Variants in XKRX observed in about 807,000 individuals in gnomAD.
The protein encoded by XKRX is XK-related protein 2.
In XKRX, 11 loss-of-function variants were observed where a neutral mutation model predicts 22.4. The ratio of observed to expected loss-of-function variants is 0.49; its 90% CI spans 0.31 to 0.81. XKRX has a LOEUF of 0.81. XKRX is among the 40% of genes least tolerant of loss of function. The probability of loss-of-function intolerance (pLI) is 0.05; values close to 1 mark genes in which losing one functional copy is unlikely to be tolerated. For missense variants in XKRX, 320 were observed against 336.5 expected (o/e 0.95, Z 0.38); for synonymous variants, 114 against 132.2 (o/e 0.86, Z 0.94).
chrX:100,894,877 G>A, the XKRX span, among the ~76,000 whole-genome samples: 1 of 112,147 alleles, frequency 8.9e-6, no homozygotes, highest in Non-Finnish European at 1.9e-5. Flanking sequence ...GAATTTCTGA[G>A]TTAGTGCAAG....
the XKRX span, among the ~76,000 whole-genome samples, chrX:100,954,216 T>A: frequency 9.0e-6 from 1 of 110,869 alleles, no homozygotes; most frequent in Non-Finnish European, 1.9e-5. Flanking sequence ...GTCAGGAGTT[T>A]GAGACCAGCC....
At chrX:100,948,265 G>T in the XKRX span, among the ~76,000 whole-genome samples, 1 of 111,313 alleles carries the variant, frequency 9.0e-6, no homozygotes, top group Non-Finnish European at 1.9e-5. Context: ...AAAAATACAG[G>T]TAAGTAACAA....
chrX:100,906,395 G>A, the XKRX span, among the ~76,000 whole-genome samples: 1 of 111,689 alleles, frequency 9.0e-6, no homozygotes, highest in East Asian at 2.8e-4. Context: ...AAAATCCTCT[G>A]TGCTCCACTT....
chrX:100,904,282 GAAACAAAC>G, the XKRX span, among the ~76,000 whole-genome samples: 3 of 110,712 alleles, frequency 2.7e-5, no homozygotes, highest in Admixed American at 9.6e-5. Flanking sequence ...TACACATGCA[GAAACAAAC>G]AAACAAACAA....
the XKRX span, chrX:100,957,501 A>G: frequency 8.4e-7 from 1 of 1,188,878 alleles, no homozygotes; most frequent in Non-Finnish European, 1.1e-6. Flanking sequence ...GCATCTTCAT[A>G]AACAGGCATA....
chrX:100,917,789 A>G (rs2085452861), intron 2 of XKRX, among the ~76,000 whole-genome samples: 1 of 107,238 alleles, frequency 9.3e-6, no homozygotes, highest in African/African-American at 3.7e-5. Flanking sequence ...TCAGTTCTCA[A>G]TTCACTGAGA....
chrX:100,887,114 G>A, the XKRX span, among the ~76,000 whole-genome samples: 6 of 111,088 alleles, frequency 5.4e-5, no homozygotes, highest in East Asian at 2.8e-4. Flanking sequence ...TGAACTTCAG[G>A]TCACAACAGT....
At chrX:100,906,683 A>C in the XKRX span, among the ~76,000 whole-genome samples, 34,154 of 110,912 alleles carry the variant, frequency 0.31, 4,699 homozygotes, top group East Asian at 0.62. Flanking sequence ...GGCTTAAAAC[A>C]ACACACATTT....
chrX:100,946,189 G>GA, the XKRX span, among the ~76,000 whole-genome samples: 190 of 58,417 alleles, frequency 3.3e-3, no homozygotes, highest in African/African-American at 6.5e-3. Flanking sequence ...CGTCTAAAAA[G>GA]AAAAAAAAAA....
At chrX:100,948,492 T>C in the XKRX span, among the ~76,000 whole-genome samples, 13 of 111,741 alleles carry the variant, frequency 1.2e-4, no homozygotes, top group African/African-American at 4.2e-4. Context: ...CTGTCTACCA[T>C]AAATCCCAGA....
At chrX:100,897,788 A>C in the XKRX span, among the ~76,000 whole-genome samples, 1 of 108,187 alleles carries the variant, frequency 9.2e-6, no homozygotes, top group Non-Finnish European at 1.9e-5. Context: ...AGAAATTGCT[A>C]TCCAGGTCGG....
At chrX:100,938,063 A>G in the XKRX span, among the ~76,000 whole-genome samples, 1 of 111,989 alleles carries the variant, frequency 8.9e-6, no homozygotes, top group Admixed American at 9.5e-5. Context: ...TCCCGAAACC[A>G]TAAAGGACTT....
At chrX:100,950,355 G>T in the XKRX span, among the ~76,000 whole-genome samples, 4 of 111,910 alleles carry the variant, frequency 3.6e-5, no homozygotes, top group Non-Finnish European at 5.6e-5. Context: ...AAATGAAAAT[G>T]GAATTATATG....
chrX:100,891,738 G>C, the XKRX span, among the ~76,000 whole-genome samples: 2 of 29,735 alleles, frequency 6.7e-5, no homozygotes, highest in African/African-American at 2.7e-4. Context: ...TCATAAAAAA[G>C]GGAAAGAAGG....
At chrX:100,954,141 G>A in the XKRX span, among the ~76,000 whole-genome samples, 3 of 109,487 alleles carry the variant, frequency 2.7e-5, no homozygotes, top group Admixed American at 9.8e-5. Flanking sequence ...AATGACAGCC[G>A]GGCGCAGTGG....
chrX:100,901,181 CAT>C, the XKRX span, among the ~76,000 whole-genome samples: 1 of 110,914 alleles, frequency 9.0e-6, no homozygotes, highest in Non-Finnish European at 1.9e-5. Context: ...TATCTATATA[CAT>C]ATGTGTGTAT....
the XKRX span, among the ~76,000 whole-genome samples, chrX:100,948,171 G>T: frequency 2.7e-5 from 3 of 110,659 alleles, no homozygotes; most frequent in Admixed American, 9.7e-5. Flanking sequence ...CTACCAAATT[G>T]CTGGGATTAC....
chrX:100,954,375 T>C, the XKRX span, among the ~76,000 whole-genome samples: 1 of 107,720 alleles, frequency 9.3e-6, no homozygotes, highest in Non-Finnish European at 1.9e-5. Context: ...GCCAAGATTG[T>C]GCCACTGCAC....
the XKRX span, among the ~76,000 whole-genome samples, chrX:100,891,804 T>G: frequency 2.1e-5 from 1 of 47,528 alleles, no homozygotes; most frequent in African/African-American, 1.0e-4. Context: ...AGAAAGTAAG[T>G]TAAAAAAATT....
Sources: allele counts gnomAD v4.1 joint callset (sites outside exome capture counted in the v4.1 genomes callset), GRCh38; gene constraint gnomAD v4.1.1; transcripts MANE v1.5; gene names NCBI Gene and HGNC (gene_info 2026-07-23, HGNC 2026-07-21).